Variants in SYNE2 observed in about 807,000 individuals in gnomAD.
SYNE2 encodes nesprin-2.
Under a neutral mutation model 856.3 loss-of-function variants are expected in SYNE2, and 431 were observed. That is an observed-to-expected ratio of 0.50 (90% CI 0.47 to 0.55). The LOEUF is 0.55. SYNE2 is among the 20% of genes least tolerant of loss of function. SYNE2 has a pLI of 0.00. For missense variants in SYNE2, 8,129 were observed against 8,023.2 expected, an observed-to-expected ratio of 1.01 and a Z score of -0.50; for synonymous variants, 2,923 against 2,872.3, an observed-to-expected ratio of 1.02 and a Z score of -0.56.
intron 63 of SYNE2, chr14:64,099,657 T>C (rs1463793064): frequency 6.6e-6 from 1 of 152,154 alleles, no homozygotes; most frequent in Non-Finnish European, 1.5e-5. Context: ...ATTTGAGACA[T>C]GTATTTCCTT....
chr14:64,185,775 G>A (rs1459067441), intron 96 of SYNE2, among the ~76,000 whole-genome samples: 2 of 152,056 alleles, frequency 1.3e-5, no homozygotes, highest in Non-Finnish European at 2.9e-5. Flanking sequence ...TCCACCTTGG[G>A]CTTCCAAAGT....
intron 45 of SYNE2, among the ~76,000 whole-genome samples, chr14:64,038,432 G>C (rs1367232215): frequency 8.5e-5 from 13 of 152,278 alleles, no homozygotes; most frequent in African/African-American, 3.1e-4. Context: ...TCACTTCCCA[G>C]ACGGGGTGGC....
In SYNE2 at chr14:64,143,870, T is replaced by C. The variant is rs1487771208; in HGVS notation, c.15405T>C (p.Tyr5135=). Residue 5135 remains tyrosine, a synonymous_variant, in exon 83 of 116, where the codon TAT becomes TAC. Coordinates refer to ENST00000555002, the MANE Select transcript of SYNE2 (RefSeq NM_182914.3). ...CCTGTGATGTAGAAAGCAAGCGCTA[T>C]GAAAGAACGGAGTTTGCAGAGCACC... ...LSTCDVESKR[Y]ERTEFAEHLG... 3 of 1,614,204 alleles carry C rather than the reference T, an allele frequency of 1.9e-6. No individual in the cohort carries two copies. Among genetic ancestry groups the C allele is most frequent in the Non-Finnish European group, 2.5e-6 (3 of 1,180,028 alleles).
rs111541143 is a variant in SYNE2, at chr14:63,767,280, A to AT, written c.-305+5303dup. Among the ~76,000 whole-genome samples the AT allele has an allele frequency of 3.7e-3, 560 of 149,434 alleles. 5 individuals carry two copies. The highest frequency in any genetic ancestry group is 4.5e-3 in the Non-Finnish European group (300 of 67,202). The stretch of plus-strand genomic sequence containing the variant: ...GCCAACACGCCCAGTTAATTTTTGT[A>AT]TTTTTTTTTAGTAGGGATGGGGTTT... On this transcript the variant is annotated intron_variant, in intron 1 of 23. Transcript: ENST00000674003.
intron 1 of SYNE2, among the ~76,000 whole-genome samples, chr14:63,873,254 G>A (rs142647645): frequency 2.6e-5 from 4 of 152,028 alleles, no homozygotes; most frequent in African/African-American, 9.6e-5. Context: ...GCCAGTGACT[G>A]TAGATATAAA....
chr14:64,014,495 C>T (rs572247663), intron 32 of SYNE2, among the ~76,000 whole-genome samples: 8 of 152,256 alleles, frequency 5.3e-5, no homozygotes, highest in Admixed American at 2.6e-4. Flanking sequence ...GGCACGATCT[C>T]GGCTCACTGC....
At position 64,113,451 on chromosome 14, in the gene SYNE2, C is replaced by G. The variant is rs760147678; in HGVS notation, c.12720C>G (p.Ala4240=). The G allele has an allele frequency of 6.2e-7, 1 of 1,614,198 alleles. No individual in the cohort carries two copies. The highest frequency in any genetic ancestry group is 8.5e-7 in the Non-Finnish European group (1 of 1,180,038). ...TRPEPTEVLH[A]CKTQVAELEL... Reference sequence around the variant, plus strand: ...CGGAGCCCACAGAAGTCCTGCATGCCTGCAAGACCCAGGTGGCCGAGCTGG... The same window carrying G: ...CGGAGCCCACAGAAGTCCTGCATGCGTGCAAGACCCAGGTGGCCGAGCTGG... Residue 4240 remains alanine (A), a synonymous_variant, in exon 66 of 116, where the codon GCC becomes GCG. Coordinates refer to ENST00000555002, the MANE Select transcript of SYNE2 (RefSeq NM_182914.3).
At position 64,016,220 on chromosome 14, in the gene SYNE2, T is replaced by G. The variant is rs146941292; in HGVS notation, c.4729-253T>G. On this transcript the variant is annotated intron_variant, in intron 32 of 115. Transcript: ENST00000555002. ...GACAAGAAATATGGTTTTAGACCAC[T>G]ATAAAAATTTCATCATGCAGAGTGG... Among the ~76,000 whole-genome samples, 547 of 152,210 alleles carry G rather than the reference T, an allele frequency of 3.6e-3. 4 individuals are homozygous for G. Among genetic ancestry groups the G allele is most frequent in the Non-Finnish European group, 6.5e-3 (445 of 67,964 alleles).
intron 66 of SYNE2, among the ~76,000 whole-genome samples, 185 bp from the exon 67 acceptor site, chr14:64,119,242 T>G (rs1014181624): frequency 6.6e-6 from 1 of 152,226 alleles, no homozygotes; most frequent in Admixed American, 6.5e-5. Flanking sequence ...ATTGGTTTGG[T>G]TGCATCCCTA....
chr14:64,198,065 T>C (rs2098547584), intron 99 of SYNE2, among the ~76,000 whole-genome samples: 1 of 152,240 alleles, frequency 6.6e-6, no homozygotes, highest in South Asian at 2.1e-4. Context: ...AAATTTTGTT[T>C]TTCTGATTCT....
intron 1 of SYNE2, among the ~76,000 whole-genome samples, chr14:63,814,819 TC>T (rs1888824292): frequency 1.3e-5 from 1 of 75,422 alleles, no homozygotes; most frequent in African/African-American, 3.8e-5. Context: ...CATATATATA[TC>T]CATATATATC....
chr14:63,952,327 C>A (rs1366543311), intron 7 of SYNE2, among the ~76,000 whole-genome samples: 3 of 152,242 alleles, frequency 2.0e-5, no homozygotes, highest in Non-Finnish European at 4.4e-5. Flanking sequence ...CTGCCCTCAG[C>A]TGCAGCCGCC....
rs202138653 is a variant in SYNE2, at chr14:63,976,745, A to G, written c.1293+18A>G. 69 of 1,611,466 alleles carry G rather than the reference A, an allele frequency of 4.3e-5. No homozygotes were observed. The highest frequency in any genetic ancestry group is 5.3e-5 in the Non-Finnish European group (63 of 1,177,698). On this transcript the variant is annotated intron_variant, in intron 12 of 115. Coordinates refer to ENST00000555002, the MANE Select transcript of SYNE2 (RefSeq NM_182914.3). Reference sequence around the variant, plus strand: ...TATTCAAGGTTGGAAAAGAAAAAAAAGAGATGTAGGAAAATACATATTTTG... The same window carrying G: ...TATTCAAGGTTGGAAAAGAAAAAAAGGAGATGTAGGAAAATACATATTTTG...
At chr14:63,976,540 C>CTTTTTTTTT (rs34440267) in intron 11 of SYNE2, 23 bp from the exon 12 acceptor site, 1 of 1,361,054 alleles carries the variant, frequency 7.3e-7, no homozygotes, top group Non-Finnish European at 1.0e-6. Flanking sequence ...AGAATATGTT[C>CTTTTTTTTT]TTTTTTTTTT....
intron 45 of SYNE2, among the ~76,000 whole-genome samples, chr14:64,035,708 T>TAGAGAC (rs1283207052): frequency 6.6e-6 from 1 of 152,052 alleles, no homozygotes; most frequent in African/African-American, 2.4e-5. Context: ...TTATGAATTT[T>TAGAGAC]AGAGACAGGG....
intron 74 of SYNE2, among the ~76,000 whole-genome samples, chr14:64,129,233 G>T (rs138798564): frequency 6.6e-6 from 1 of 152,224 alleles, no homozygotes; most frequent in Non-Finnish European, 1.5e-5. Context: ...CTTGAGCTTG[G>T]GGGGCGGAGG....
At chr14:63,865,701 A>G (rs1895021182) in intron 1 of SYNE2, among the ~76,000 whole-genome samples, 1 of 137,914 alleles carries the variant, frequency 7.3e-6, no homozygotes, top group Non-Finnish European at 1.6e-5. Flanking sequence ...AACAAGAGCA[A>G]AACTCTGTAC....
intron 2 of SYNE2, among the ~76,000 whole-genome samples, chr14:63,929,062 G>A (rs553936458): frequency 1.3e-5 from 2 of 152,220 alleles, no homozygotes; most frequent in East Asian, 3.9e-4. Context: ...CTGACACAGA[G>A]CTCCGAAAGC....
At position 64,143,533 on chromosome 14, in the gene SYNE2, G is replaced by A. The variant is rs530431048; in HGVS notation, c.15307-239G>A. On this transcript the variant is annotated intron_variant, in intron 82 of 115. Transcript: ENST00000555002. ...GATGATAGCAACTGCCATACATAGTGCCCCTTTGACTTTTCAGCCTATTTG... is the reference window on the plus strand; with the variant it reads ...GATGATAGCAACTGCCATACATAGTACCCCTTTGACTTTTCAGCCTATTTG... Among the ~76,000 whole-genome samples, 12 of 152,226 alleles carry A rather than the reference G, an allele frequency of 7.9e-5. No homozygotes were observed. The East Asian group carries it at 2.3e-3, about 29-fold the overall frequency.
Sources: gnomAD v4.1 joint callset for allele counts (sites outside exome capture counted in the v4.1 genomes callset) on GRCh38, gnomAD v4.1.1 for gene constraint, MANE v1.5 for transcripts, NCBI Gene and HGNC (gene_info 2026-07-23, HGNC 2026-07-21) for gene names.